The following PDE4D variants were observed in gnomAD, a reference collection of about 807,000 sequenced individuals.
PDE4D encodes 3',5'-cyclic-AMP phosphodiesterase 4D.
Under a neutral mutation model 87.4 loss-of-function variants are expected in PDE4D, and 24 were observed. The ratio of observed to expected loss-of-function variants is 0.27; its 90% confidence interval spans 0.20 to 0.39. The LOEUF is 0.39. Ranked by LOEUF, PDE4D falls within the 10% of genes least tolerant of loss-of-function variation. The pLI is 1.00. For missense variants in PDE4D, 714 were observed against 1,041.0 expected (o/e 0.69, Z 4.32); for synonymous variants, 384 against 383.2 (o/e 1.00, Z -0.02).
intron 5 of PDE4D, among the ~76,000 whole-genome samples, chr5:59,113,481 C>A (rs1039806537): frequency 2.6e-5 from 4 of 152,192 alleles, no homozygotes; most frequent in Non-Finnish European, 4.4e-5. Context: ...AAAATAATCA[C>A]CGACATGAAT....
chr5:60,230,887 A>G (rs13157125), intron 1 of PDE4D, among the ~76,000 whole-genome samples: 19,370 of 152,060 alleles, frequency 0.13, 1,365 homozygotes, highest in African/African-American at 0.19. Context: ...CATAAACTCT[A>G]GAAGATGTCA....
intron 6 of PDE4D, among the ~76,000 whole-genome samples, chr5:59,001,882 A>G (rs571243156): frequency 2.0e-5 from 3 of 152,304 alleles, no homozygotes; most frequent in South Asian, 4.1e-4. Context: ...ACTCTTTCCT[A>G]CCATTCAACA....
At chr5:59,447,874 C>A (rs1582650548) in intron 1 of PDE4D, among the ~76,000 whole-genome samples, 1 of 152,164 alleles carries the variant, frequency 6.6e-6, no homozygotes, top group South Asian at 2.1e-4. Flanking sequence ...TCACTGTGTG[C>A]CCCTGCCATC....
chr5:59,151,275 A>G (rs906584991), intron 5 of PDE4D, among the ~76,000 whole-genome samples: 1 of 152,142 alleles, frequency 6.6e-6, no homozygotes, highest in African/African-American at 2.4e-5. Flanking sequence ...TTCCAGGAAA[A>G]GTCACCAAAT....
intron 1 of PDE4D, among the ~76,000 whole-genome samples, chr5:59,625,670 T>G (rs747114898): frequency 6.6e-6 from 1 of 152,192 alleles, no homozygotes; most frequent in African/African-American, 2.4e-5. Context: ...ATTTCTCAAT[T>G]TTTCTTTAAA....
chr5:60,400,945 A>G (rs1741026778), intron 1 of PDE4D, among the ~76,000 whole-genome samples: 1 of 152,128 alleles, frequency 6.6e-6, no homozygotes, highest in Non-Finnish European at 1.5e-5. Context: ...TCTTCATTTA[A>G]TTCTGCATCA....
chr5:59,514,603 A>T (rs2153670206), intron 1 of PDE4D, among the ~76,000 whole-genome samples: 1 of 152,332 alleles, frequency 6.6e-6, no homozygotes, highest in East Asian at 1.9e-4. Flanking sequence ...ACTGAATTAC[A>T]TTTAAGATTG....
chr5:59,090,072 T>C (rs1467829862), intron 5 of PDE4D, among the ~76,000 whole-genome samples: 1 of 152,150 alleles, frequency 6.6e-6, no homozygotes. Flanking sequence ...TTTTCTCGAT[T>C]AGTTTAAGAA....
chr5:60,111,060 T>C (rs867629083), intron 2 of PDE4D, among the ~76,000 whole-genome samples: 3 of 151,968 alleles, frequency 2.0e-5, no homozygotes, highest in South Asian at 4.1e-4. Flanking sequence ...AAATTATAGC[T>C]AGATGAGAGG....
intron 2 of PDE4D, among the ~76,000 whole-genome samples, chr5:60,167,769 A>C (rs1471063989): frequency 6.6e-6 from 1 of 152,152 alleles, no homozygotes; most frequent in Non-Finnish European, 1.5e-5. Context: ...GAGCTTTCTC[A>C]AACAGTTATT....
intron 2 of PDE4D, among the ~76,000 whole-genome samples, chr5:60,085,465 T>A (rs1210496128): frequency 1.3e-5 from 2 of 152,172 alleles, no homozygotes; most frequent in East Asian, 3.9e-4. Flanking sequence ...GTAATGTATC[T>A]AAAAAGTAAA....
At position 58,970,726 on chromosome 5, in the gene PDE4D, T is replaced by G. The variant is rs2153289766; in HGVS notation, c.*3938A>C. On this transcript the variant is annotated 3_prime_UTR_variant, in exon 15 of 15. Coordinates refer to ENST00000340635, the MANE Select transcript of PDE4D (RefSeq NM_001104631.2). ...TTAAAAAACAGTATTTTCTCTTTAATGTATTCTCTTAACATGTCAGGAAGC... is the reference window on the plus strand; with the variant it reads ...TTAAAAAACAGTATTTTCTCTTTAAGGTATTCTCTTAACATGTCAGGAAGC... 1 of 152,266 alleles carries G rather than the reference T, an allele frequency of 6.6e-6. No homozygotes were observed. The highest frequency in any genetic ancestry group is 1.5e-5 in the Non-Finnish European group (1 of 68,010). The allele number at this position is 152,266 out of a possible 1,614,324, so 9.4% of individuals were successfully genotyped here.
intron 1 of PDE4D, among the ~76,000 whole-genome samples, chr5:59,825,063 A>G (rs950770970): frequency 1.3e-5 from 2 of 152,158 alleles, no homozygotes; most frequent in Non-Finnish European, 2.9e-5. Context: ...AGTAAGATGA[A>G]AAAAGTCTGA....
chr5:60,068,299 T>G (rs1562051681), intron 2 of PDE4D, among the ~76,000 whole-genome samples: 1 of 152,208 alleles, frequency 6.6e-6, no homozygotes, highest in South Asian at 2.1e-4. Context: ...ATTATAGTTT[T>G]AATTCACATT....
intron 1 of PDE4D, among the ~76,000 whole-genome samples, chr5:59,368,866 A>G (rs998402789): frequency 5.9e-5 from 9 of 152,222 alleles, no homozygotes; most frequent in African/African-American, 2.2e-4. Context: ...CATGAAAAAC[A>G]TGCTTAGAAC....
chr5:60,286,537 T>C, intron 1 of PDE4D, among the ~76,000 whole-genome samples: 1 of 151,030 alleles, frequency 6.6e-6, no homozygotes, highest in East Asian at 2.0e-4. Flanking sequence ...TAATATGATG[T>C]GGCCGCTAAG....
At position 60,200,308 on chromosome 5, in the gene PDE4D, T is replaced by C. The variant is rs1007282810; in HGVS notation, c.-89-14621A>G. Among the ~76,000 whole-genome samples, 35 of 151,766 alleles carry C rather than the reference T, an allele frequency of 2.3e-4. 2 individuals are homozygous for C. The highest frequency in any genetic ancestry group is 1.9e-3 in the Admixed American group (29 of 15,212). ...CTAGTAAGTATAAATCCAGGATATG[T>C]ATGTTTTCTCCTGCACCCAGAAGTT... On this transcript the variant is annotated intron_variant, in intron 1 of 16. Coordinates refer to the PDE4D transcript ENST00000502484.
At chr5:60,024,772 T>C (rs1055404477) in intron 2 of PDE4D, among the ~76,000 whole-genome samples, 1 of 152,064 alleles carries the variant, frequency 6.6e-6, no homozygotes, top group Non-Finnish European at 1.5e-5. Context: ...CTCTGAAAAA[T>C]TGTTCCACGG....
intron 2 of PDE4D, among the ~76,000 whole-genome samples, chr5:59,201,122 C>T (rs1230664253): frequency 6.6e-6 from 1 of 151,904 alleles, no homozygotes; most frequent in African/African-American, 2.4e-5. Flanking sequence ...AAAAAATAAT[C>T]ATATGGGTTT....
Sources: gnomAD v4.1 joint callset for allele counts (sites outside exome capture counted in the v4.1 genomes callset) on GRCh38, gnomAD v4.1.1 for gene constraint, MANE v1.5 for transcripts, NCBI Gene and HGNC (gene_info 2026-07-23, HGNC 2026-07-21) for gene names.